Variants in IGF1R observed in about 807,000 individuals in gnomAD.
The protein encoded by IGF1R is insulin-like growth factor 1 receptor.
A neutral mutation model predicts 144.6 loss-of-function variants in IGF1R; 44 were observed. The observed-to-expected ratio is 0.30, with a 90% CI of 0.24 to 0.39. The LOEUF (loss-of-function observed/expected upper bound fraction) is 0.39, where lower values mean the gene tolerates loss of function less well. Ranked by LOEUF, IGF1R falls within the 10% of genes least tolerant of loss-of-function variation. The pLI, the probability that IGF1R is intolerant of heterozygous loss-of-function variation, is 1.00. For missense variants in IGF1R, 1,355 were observed against 1,833.7 expected, an observed-to-expected ratio of 0.74 and a Z score of 4.77; for synonymous variants, 795 against 722.8, an observed-to-expected ratio of 1.10 and a Z score of -1.60.
intron 2 of IGF1R, among the ~76,000 whole-genome samples, chr15:98,887,452 A>G (rs1414057931): frequency 1.3e-5 from 2 of 152,028 alleles, no homozygotes; most frequent in Non-Finnish European, 2.9e-5. Flanking sequence ...ATTAATAGCT[A>G]CTTGATCTTA....
intron 2 of IGF1R, among the ~76,000 whole-genome samples, chr15:98,846,763 A>G (rs2715434): frequency 0.036 from 5,524 of 152,168 alleles, 162 homozygotes; most frequent in East Asian, 0.15. Flanking sequence ...CCAGTGGACA[A>G]CTCCTGCATC....
chr15:98,669,351 T>C (rs976084615), intron 1 of IGF1R, among the ~76,000 whole-genome samples: 4 of 152,216 alleles, frequency 2.6e-5, no homozygotes, highest in Non-Finnish European at 5.9e-5. Context: ...CCCTTTTCCA[T>C]GAACTCCACC....
intron 1 of IGF1R, among the ~76,000 whole-genome samples, chr15:98,651,776 G>C (rs1268508226): frequency 6.6e-6 from 1 of 152,160 alleles, no homozygotes; most frequent in Non-Finnish European, 1.5e-5. Context: ...CCTTTACAGT[G>C]GTTAGTTCCT....
At chr15:98,880,290 A>G (rs538121897) in intron 2 of IGF1R, among the ~76,000 whole-genome samples, 1 of 152,256 alleles carries the variant, frequency 6.6e-6, no homozygotes, top group South Asian at 2.1e-4. Flanking sequence ...TACCCTTACT[A>G]ATTAGCTCTC....
At chr15:98,951,285 C>A (rs2016763192) in intron 20 of IGF1R, among the ~76,000 whole-genome samples, 1 of 152,224 alleles carries the variant, frequency 6.6e-6, no homozygotes, top group Admixed American at 6.5e-5. Context: ...CTGAGGGTGG[C>A]ACCTACAGAT....
intron 17 of IGF1R, among the ~76,000 whole-genome samples, chr15:98,937,674 A>G (rs1012890028): frequency 6.6e-6 from 1 of 152,252 alleles, no homozygotes; most frequent in Admixed American, 6.5e-5. Context: ...ACCAAATTAA[A>G]GGAAAGAATG....
In IGF1R at chr15:98,780,584, G is replaced by A. The variant is rs1307243652; in HGVS notation, c.640+72477G>A. ...AAAAAAAAAAAAAAAAAGAGAGAGA[G>A]AGTAAATAAAATTGTAAGGTGAATA... On this transcript the variant is annotated intron_variant, in intron 2 of 20. Coordinates refer to ENST00000650285, the MANE Select transcript of IGF1R (RefSeq NM_000875.5). 1.2e-4 allele frequency among the ~76,000 whole-genome samples: 10 copies of A among 85,346 alleles called. 2 individuals are homozygous for A. The highest frequency in any genetic ancestry group is 7.7e-4 in the East Asian group (2 of 2,592). The allele number at this position is 85,346 out of a possible 152,430, so 56.0% of individuals were successfully genotyped here. A position where few individuals can be genotyped will look rare whatever the true frequency, so the allele number is the denominator to read the frequency against.
chr15:98,888,013 C>G (rs1386596098), intron 2 of IGF1R, among the ~76,000 whole-genome samples: 2 of 152,216 alleles, frequency 1.3e-5, no homozygotes, highest in Non-Finnish European at 2.9e-5. Context: ...ACACCCAAGC[C>G]CTTGCACCCA....
Position 98,962,257 on chromosome 15 carries a change from G to A in IGF1R, c.*4815G>A, listed in dbSNP as rs145781849. 9.5e-4 allele frequency: 222 copies of A among 233,364 alleles called. No homozygotes were observed. In the East Asian group the frequency reaches 9.8e-3, roughly 10 times the overall value. The allele number at this position is 233,364 out of a possible 1,614,324, so 14.5% of individuals were successfully genotyped here. Reference sequence around the variant, plus strand: ...GGCGCCCTCCTGGTGACAGTGACCCGCCGTGGTATGCCTTGGCCCATTCCA... The same window carrying A: ...GGCGCCCTCCTGGTGACAGTGACCCACCGTGGTATGCCTTGGCCCATTCCA... On this transcript the variant is annotated 3_prime_UTR_variant, in exon 21 of 21. Coordinates refer to ENST00000650285, the MANE Select transcript of IGF1R (RefSeq NM_000875.5).
intron 12 of IGF1R, 89 bp downstream of exon 12, chr15:98,924,101 G>T: frequency 7.8e-7 from 1 of 1,276,936 alleles, no homozygotes; most frequent in Non-Finnish European, 1.1e-6. Context: ...CTCCTGGTTA[G>T]CATAGGACTT....
At chr15:98,708,800 T>C (rs2053926575) in intron 2 of IGF1R, among the ~76,000 whole-genome samples, 1 of 152,208 alleles carries the variant, frequency 6.6e-6, no homozygotes, top group South Asian at 2.1e-4. Context: ...TTTTCGTTCT[T>C]TTATACCTGT....
intron 1 of IGF1R, among the ~76,000 whole-genome samples, chr15:98,681,373 G>C (rs997860630): frequency 6.6e-6 from 1 of 152,184 alleles, no homozygotes; most frequent in African/African-American, 2.4e-5. Context: ...TATTCTGATA[G>C]TTATCAGGAG....
At chr15:98,905,792 C>T (rs990187022) in intron 5 of IGF1R, among the ~76,000 whole-genome samples, 4 of 152,132 alleles carry the variant, frequency 2.6e-5, no homozygotes, top group Admixed American at 6.5e-5. Flanking sequence ...CTTCAGGAAA[C>T]AATGATAACT....
intron 2 of IGF1R, among the ~76,000 whole-genome samples, chr15:98,786,299 A>G (rs527555448): frequency 6.6e-6 from 1 of 152,348 alleles, no homozygotes; most frequent in East Asian, 1.9e-4. Flanking sequence ...TCCTTGGCTC[A>G]TCTAATGCAG....
chr15:98,777,433 G>A (rs994434511), intron 2 of IGF1R, among the ~76,000 whole-genome samples: 1 of 152,200 alleles, frequency 6.6e-6, no homozygotes, highest in Admixed American at 6.5e-5. Flanking sequence ...TGAGGGGCCC[G>A]GGGAGGCCCT....
chr15:98,813,775 C>T (rs1459855294), intron 2 of IGF1R, among the ~76,000 whole-genome samples: 6 of 152,150 alleles, frequency 3.9e-5, no homozygotes, highest in South Asian at 2.1e-4. Context: ...TCCTTATGTC[C>T]GAATGCTAAG....
Position 98,961,102 on chromosome 15 carries a change from G to A in IGF1R, c.*3660G>A. The stretch of plus-strand genomic sequence containing the variant: ...GAAGGCGCTCAGGAGCCTCCTGCTG[G>A]AACGCGACCCATCTCTCCCAGGACC... On this transcript the variant is annotated 3_prime_UTR_variant, in exon 21 of 21. Transcript: ENST00000650285. 4.3e-6 allele frequency: 1 copy of A among 233,544 alleles called. No individual in the cohort carries two copies. The highest frequency in any genetic ancestry group is 8.5e-6 in the Non-Finnish European group (1 of 117,956). The allele number at this position is 233,544 out of a possible 1,614,324, so 14.5% of individuals were successfully genotyped here.
chr15:98,696,701 A>C (rs1016929135), intron 1 of IGF1R, among the ~76,000 whole-genome samples: 1 of 152,200 alleles, frequency 6.6e-6, no homozygotes, highest in East Asian at 1.9e-4. Flanking sequence ...GTGTCGGGCT[A>C]TGATTGGCTG....
chr15:98,922,355 C>A lies in IGF1R; in HGVS notation c.2409C>A (p.Ile803=). The stretch of plus-strand genomic sequence containing the variant: ...CTTTCACATTGTACCGCATCGATAT[C>A]CACAGCTGCAACCACGAGGCTGAGA... ...LRPFTLYRID[I]HSCNHEAEKL... Residue 803 remains isoleucine, a synonymous_variant, in exon 11 of 21, where the codon ATC becomes ATA. Coordinates refer to ENST00000650285, the MANE Select transcript of IGF1R (RefSeq NM_000875.5). 1 of 1,614,184 alleles carries A rather than the reference C, an allele frequency of 6.2e-7. No homozygotes were observed. Among genetic ancestry groups the A allele is most frequent in the Non-Finnish European group, 8.5e-7 (1 of 1,180,036 alleles).
Sources: gnomAD v4.1 joint callset for allele counts (sites outside exome capture counted in the v4.1 genomes callset) on GRCh38, gnomAD v4.1.1 for gene constraint, MANE v1.5 for transcripts, NCBI Gene and HGNC (gene_info 2026-07-23, HGNC 2026-07-21) for gene names.